Variants in IPO7 observed in about 807,000 individuals in gnomAD.
IPO7 encodes importin-7.
A neutral mutation model predicts 136.4 loss-of-function variants in IPO7; 13 were observed. That is an observed-to-expected ratio of 0.10 (90% CI 0.06 to 0.15). The LOEUF is 0.15. IPO7 is among the 10% of genes least tolerant of loss of function. The pLI is 1.00. For synonymous variants in IPO7, 403 were observed against 404.4 expected, an observed-to-expected ratio of 1.00 and a Z score of 0.04; for missense variants, 857 against 1,240.6, an observed-to-expected ratio of 0.69 and a Z score of 4.65.
At chr11:9,423,518 G>A (rs72852909) in intron 9 of IPO7, among the ~76,000 whole-genome samples, 23,034 of 152,120 alleles carry the variant, frequency 0.15, 2,160 homozygotes, top group Middle Eastern at 0.21. Flanking sequence ...ATTTAGAGCT[G>A]TAGAATTTTA....
chr11:9,440,378 T>C (rs1855445417), intron 22 of IPO7, 77 bp from the exon 23 acceptor site: 1 of 1,139,558 alleles, frequency 8.8e-7, no homozygotes, highest in East Asian at 2.4e-5. Context: ...TTACTGACAG[T>C]GATTGAGATG....
chr11:9,392,671 G>A (rs576466203), intron 1 of IPO7, among the ~76,000 whole-genome samples: 44 of 152,098 alleles, frequency 2.9e-4, no homozygotes, highest in African/African-American at 9.4e-4. Flanking sequence ...AGTTTTGGCC[G>A]GGTGCGGTGG....
chr11:9,420,238 A>T (rs561228838), intron 6 of IPO7, 173 bp from the exon 7 acceptor site: 1 of 518,786 alleles, frequency 1.9e-6, no homozygotes, highest in African/African-American at 2.0e-5. Flanking sequence ...AATTGTGTGA[A>T]CTCGGGAGGC....
intron 1 of IPO7, among the ~76,000 whole-genome samples, chr11:9,401,785 T>C (rs1447626552): frequency 6.6e-6 from 1 of 152,232 alleles, no homozygotes; most frequent in Non-Finnish European, 1.5e-5. Context: ...TTAACTTTTC[T>C]TTTGAAATGT....
intron 6 of IPO7, chr11:9,420,183 G>A (rs1804778120): frequency 2.2e-6 from 1 of 453,726 alleles, no homozygotes; most frequent in Non-Finnish European, 3.9e-6. Context: ...TGGGCGTTGT[G>A]GCGGCCACCT....
At chr11:9,418,963 G>A (rs1564998278) in intron 6 of IPO7, among the ~76,000 whole-genome samples, 2 of 152,126 alleles carry the variant, frequency 1.3e-5, no homozygotes, top group Non-Finnish European at 2.9e-5. Flanking sequence ...TTATTGCTGA[G>A]CGGTATCCCA....
chr11:9,436,184 T>A, intron 19 of IPO7, 87 bp from the exon 20 acceptor site: 1 of 841,532 alleles, frequency 1.2e-6, no homozygotes, highest in Non-Finnish European at 2.0e-6. Context: ...TCAGAGCCTG[T>A]ACACAGGGTA....
Position 9,445,542 on chromosome 11 carries a change from A to G in IPO7, c.*348A>G, listed in dbSNP as rs533846194. On this transcript the variant is annotated 3_prime_UTR_variant, in exon 25 of 25. Transcript: ENST00000379719. Reference sequence around the variant, plus strand: ...TTCTTTTTCTGAGGAAAAAATAGGCATGGGCTACAGGACTATTTAAAATGT... The same window carrying G: ...TTCTTTTTCTGAGGAAAAAATAGGCGTGGGCTACAGGACTATTTAAAATGT... 1.5e-5 allele frequency: 3 copies of G among 198,112 alleles called. No homozygotes were observed. Among genetic ancestry groups the G allele is most frequent in the African/African-American group, 2.3e-5 (1 of 43,410 alleles). The allele number at this position is 198,112 out of a possible 1,614,324, so 12.3% of individuals were successfully genotyped here. A position where few individuals can be genotyped will look rare whatever the true frequency, so the allele number is the denominator to read the frequency against.
chr11:9,405,230 A>G lies in IPO7; in HGVS notation c.166+1859A>G, dbSNP rs188363926. Among the ~76,000 whole-genome samples, 3 of 151,910 alleles carry G rather than the reference A, an allele frequency of 2.0e-5. No individual in the cohort carries two copies. In the East Asian group the frequency reaches 5.8e-4, roughly 30 times the overall value. ...TGCTCTGTCGCCCAGACTGGAGTGC[A>G]GTGGCGCGATCTCGGCTCACTGCAA... On this transcript the variant is annotated intron_variant, in intron 2 of 24. Transcript: ENST00000379719.
rs1183064995 is a variant in IPO7 at position 9,437,794 on chromosome 11, C to T, written c.2309C>T (p.Thr770Ile). Residue 770 changes from threonine to isoleucine, a missense_variant, in exon 21 of 25, where the codon ACA becomes ATA. By Grantham distance (89) the Thr-to-Ile change is moderately conservative. Transcript: ENST00000379719. Reference sequence around the variant, plus strand: ...GTGGAAGCAGCCTTAGAAAGACTGACAAGAGAGGTTAAGACAAGTGAACTT... The same window carrying T: ...GTGGAAGCAGCCTTAGAAAGACTGATAAGAGAGGTTAAGACAAGTGAACTT... ...LFVEAALERL[T>I]REVKTSELRT... is the part of the protein sequence containing the mutation. 6.2e-7 allele frequency: 1 copy of T among 1,613,952 alleles called. No individual in the cohort carries two copies. Among genetic ancestry groups the T allele is most frequent in the Non-Finnish European group, 8.5e-7 (1 of 1,179,986 alleles).
At chr11:9,403,069 GT>G (rs1854825158) in intron 1 of IPO7, 1 of 543,028 alleles carries the variant, frequency 1.8e-6, no homozygotes, top group South Asian at 2.2e-5. Context: ...GGGAAGTGCA[GT>G]GCTATACAGG....
intron 1 of IPO7, among the ~76,000 whole-genome samples, chr11:9,393,758 A>T (rs1854670827): frequency 6.6e-6 from 1 of 152,182 alleles, no homozygotes; most frequent in African/African-American, 2.4e-5. Flanking sequence ...ATGAGTAAAA[A>T]ATTTTTAGAA....
chr11:9,439,446 G>C (rs1238988628), intron 22 of IPO7, among the ~76,000 whole-genome samples: 1 of 151,906 alleles, frequency 6.6e-6, no homozygotes, highest in Non-Finnish European at 1.5e-5. Flanking sequence ...AAAAAGTTGT[G>C]GGGATTACAT....
At chr11:9,423,910 T>C in intron 10 of IPO7, 34 bp downstream of exon 10, 1 of 1,271,608 alleles carries the variant, frequency 7.9e-7, no homozygotes, top group Non-Finnish European at 1.1e-6. Context: ...AAACAAAAAA[T>C]GTCAGTAATT....
chr11:9,408,532 A>G lies in IPO7; in HGVS notation c.213A>G (p.Arg71=), dbSNP rs1854919986. 5 of 1,605,330 alleles carry G rather than the reference A, an allele frequency of 3.1e-6. No homozygotes were observed. The East Asian group carries it at 1.1e-4, about 36-fold the overall frequency. The change falls in exon 3 of 25, where the codon CGA becomes CGG. Residue 71 remains arginine, a synonymous_variant. Transcript: ENST00000379719. ...TGATAACACAGTATTGGCCTGATCG[A>G]GAAACAGCACCAGGGGATATATCCC... The part of the protein sequence containing the change: ...KNMITQYWPD[R]ETAPGDISPY...
intron 22 of IPO7, among the ~76,000 whole-genome samples, chr11:9,438,765 CA>C (rs1399451763): frequency 6.6e-6 from 1 of 152,094 alleles, no homozygotes; most frequent in African/African-American, 2.4e-5. Context: ...GCTGTATTAC[CA>C]ACATGTAGAA....
chr11:9,422,109 G>T (rs1471774497), intron 8 of IPO7, among the ~76,000 whole-genome samples: 1 of 152,008 alleles, frequency 6.6e-6, no homozygotes, highest in African/African-American at 2.4e-5. Flanking sequence ...GAGAAATCCT[G>T]TCTGTACTAA....
At chr11:9,435,081 T>G (rs1218978665) in intron 19 of IPO7, 50 bp downstream of exon 19, 2 of 1,119,656 alleles carry the variant, frequency 1.8e-6, no homozygotes, top group East Asian at 4.7e-5. Context: ...CTATAAAATG[T>G]ATGAAATTGT....
chr11:9,443,954 T>C (rs1855493226), intron 24 of IPO7, among the ~76,000 whole-genome samples: 1 of 150,018 alleles, frequency 6.7e-6, no homozygotes, highest in South Asian at 2.1e-4. Flanking sequence ...CTTTTCATCT[T>C]TAAATGTTTC....
Sources: gnomAD v4.1 joint callset for allele counts (sites outside exome capture counted in the v4.1 genomes callset) on GRCh38, gnomAD v4.1.1 for gene constraint, MANE v1.5 for transcripts, NCBI Gene and HGNC (gene_info 2026-07-23, HGNC 2026-07-21) for gene names.